ADAMTSL1: variants seen among roughly 807,000 people sequenced by gnomAD.
ADAMTSL1 encodes ADAMTS like 1.
Under a neutral mutation model 201.8 loss-of-function variants are expected in ADAMTSL1, and 126 were observed. The observed-to-expected ratio is 0.62, with a 90% CI of 0.54 to 0.72. ADAMTSL1 has a LOEUF of 0.72. ADAMTSL1 is among the 30% of genes least tolerant of loss of function. The pLI is 0.00. For synonymous variants in ADAMTSL1, 1,121 were observed against 903.4 expected (o/e 1.24, Z -4.32); for missense variants, 2,679 against 2,277.8 (o/e 1.18, Z -3.59).
At chr9:18,113,007 G>C (rs1377374781) in intron 1 of ADAMTSL1, among the ~76,000 whole-genome samples, 1 of 152,118 alleles carries the variant, frequency 6.6e-6, no homozygotes, top group Non-Finnish European at 1.5e-5. Context: ...GTCTAGTCCA[G>C]GGCTTTTTCT....
intron 2 of ADAMTSL1, among the ~76,000 whole-genome samples, chr9:18,210,307 T>C (rs1829814248): frequency 6.7e-6 from 1 of 150,306 alleles, no homozygotes; most frequent in African/African-American, 2.4e-5. Context: ...TTCATTAAAA[T>C]TTTAATTAAT....
chr9:18,616,817 TA>T (rs1212002649), intron 4 of ADAMTSL1, among the ~76,000 whole-genome samples: 1 of 152,248 alleles, frequency 6.6e-6, no homozygotes, highest in Non-Finnish European at 1.5e-5. Context: ...ATTTATATGC[TA>T]TAAATCTTTT....
At chr9:18,506,168 T>G (rs1349528003) in intron 2 of ADAMTSL1, among the ~76,000 whole-genome samples, 1 of 152,230 alleles carries the variant, frequency 6.6e-6, no homozygotes, top group Non-Finnish European at 1.5e-5. Context: ...GAGGCCAGCT[T>G]CGAATCAACG....
At chr9:17,910,371 A>AT (rs112704514) in intron 1 of ADAMTSL1, among the ~76,000 whole-genome samples, 2,867 of 65,576 alleles carry the variant, frequency 0.044, 719 homozygotes, top group African/African-American at 0.082. Flanking sequence ...GACTTGCAGT[A>AT]TTTTTTTTTT....
At chr9:18,193,159 C>A (rs551178070) in intron 2 of ADAMTSL1, among the ~76,000 whole-genome samples, 2 of 152,180 alleles carry the variant, frequency 1.3e-5, no homozygotes, top group East Asian at 3.9e-4. Flanking sequence ...CAGAACTCAT[C>A]CCCAGCAGAT....
intron 4 of ADAMTSL1, among the ~76,000 whole-genome samples, chr9:18,615,964 C>G (rs1457425992): frequency 2.0e-5 from 3 of 152,118 alleles, no homozygotes; most frequent in African/African-American, 4.8e-5. Context: ...CAAAGTCTGC[C>G]CTTGGAGTAA....
intron 1 of ADAMTSL1, among the ~76,000 whole-genome samples, chr9:17,908,609 A>G (rs1210165786): frequency 1.3e-5 from 2 of 152,044 alleles, no homozygotes; most frequent in Non-Finnish European, 2.9e-5. Flanking sequence ...GGCATTTGCC[A>G]CGACGCCTGG....
chr9:18,703,701 C>CATATATATATAT (rs72258520), intron 13 of ADAMTSL1, among the ~76,000 whole-genome samples: 2,618 of 78,300 alleles, frequency 0.033, 172 homozygotes, highest in Non-Finnish European at 0.038. Flanking sequence ...TGCGCACATA[C>CATATATATATAT]ATATATATAT....
At chr9:18,268,661 C>T (rs1257562697) in intron 2 of ADAMTSL1, among the ~76,000 whole-genome samples, 1 of 152,074 alleles carries the variant, frequency 6.6e-6, no homozygotes, top group African/African-American at 2.4e-5. Context: ...CAGTAGAGTC[C>T]TCTCTAAATC....
chr9:18,592,642 A>T (rs541899405), intron 4 of ADAMTSL1, among the ~76,000 whole-genome samples: 3 of 152,140 alleles, frequency 2.0e-5, no homozygotes. Flanking sequence ...GTAAAATTTG[A>T]AGTCAGATAA....
chr9:18,469,979 G>A (rs551495362), upstream of ADAMTSL1, among the ~76,000 whole-genome samples: 1 of 152,186 alleles, frequency 6.6e-6, no homozygotes, highest in Non-Finnish European at 1.5e-5. Context: ...CTACCCCATA[G>A]AGTTGTTGTA....
intron 1 of ADAMTSL1, among the ~76,000 whole-genome samples, chr9:18,051,649 C>A (rs1420782739): frequency 4.6e-5 from 7 of 151,614 alleles, no homozygotes; most frequent in Non-Finnish European, 2.9e-5. Context: ...ATGGCACATG[C>A]CTATCCAGTT....
At chr9:18,243,638 G>C (rs1831150280) in intron 2 of ADAMTSL1, among the ~76,000 whole-genome samples, 1 of 151,958 alleles carries the variant, frequency 6.6e-6, no homozygotes, top group Non-Finnish European at 1.5e-5. Context: ...CCCCAAAACT[G>C]TTTCCTTAAG....
intron 2 of ADAMTSL1, among the ~76,000 whole-genome samples, chr9:18,424,519 C>T (rs1194799756): frequency 6.6e-6 from 1 of 152,136 alleles, no homozygotes. Flanking sequence ...GTAGATAATT[C>T]TCCAGGATAG....
intron 7 of ADAMTSL1, among the ~76,000 whole-genome samples, chr9:18,645,198 G>A (rs988847791): frequency 7.2e-5 from 11 of 152,176 alleles, no homozygotes; most frequent in African/African-American, 2.7e-4. Flanking sequence ...TTTGAGAAGT[G>A]TCTGTTCATG....
chr9:17,947,347 C>CA (rs1563913389), intron 1 of ADAMTSL1, among the ~76,000 whole-genome samples: 291 of 113,096 alleles, frequency 2.6e-3, no homozygotes, highest in African/African-American at 8.9e-3. Flanking sequence ...ACACACACAC[C>CA]CCACTATGCA....
intron 2 of ADAMTSL1, among the ~76,000 whole-genome samples, chr9:18,303,423 C>A (rs779971562): frequency 3.9e-5 from 6 of 152,182 alleles, no homozygotes; most frequent in Non-Finnish European, 8.8e-5. Context: ...GTTTGGGATG[C>A]TTCACAGGGA....
chr9:18,193,394 G>A (rs192533994), intron 2 of ADAMTSL1, among the ~76,000 whole-genome samples: 1 of 152,190 alleles, frequency 6.6e-6, no homozygotes, highest in Admixed American at 6.5e-5. Context: ...GAGGAATCGG[G>A]AACAGTTACA....
intron 14 of ADAMTSL1, among the ~76,000 whole-genome samples, chr9:18,714,907 A>G (rs1317693232): frequency 1.3e-5 from 2 of 150,162 alleles, no homozygotes; most frequent in Non-Finnish European, 3.0e-5. Context: ...ACCATGATCA[A>G]GTGGGCTTCA....
Sources: gnomAD v4.1 joint callset for allele counts (sites outside exome capture counted in the v4.1 genomes callset) on GRCh38, gnomAD v4.1.1 for gene constraint, MANE v1.5 for transcripts, NCBI Gene and HGNC (gene_info 2026-07-23, HGNC 2026-07-21) for gene names.